Variants in STS observed in about 807,000 individuals in gnomAD.
The protein encoded by STS is steryl-sulfatase.
STS carries 7 observed loss-of-function variants against 26.8 expected under a neutral mutation model. That is an observed-to-expected ratio of 0.26 (90% CI 0.15 to 0.49). The LOEUF (loss-of-function observed/expected upper bound fraction) is 0.49, where lower values mean the gene tolerates loss of function less well. STS is among the 20% of genes least tolerant of loss of function. The pLI, the probability that STS is intolerant of heterozygous loss-of-function variation, is 0.98. For synonymous variants in STS, 199 were observed against 189.4 expected (o/e 1.05, Z -0.42); for missense variants, 434 against 465.6 (o/e 0.93, Z 0.63).
At chrX:7,167,254 C>T (rs994608553) in intron 1 of STS, among the ~76,000 whole-genome samples, 4 of 111,004 alleles carry the variant, frequency 3.6e-5, no homozygotes, top group African/African-American at 6.6e-5. Flanking sequence ...CTTGCTCTGT[C>T]GCCCAGGCTG....
chrX:7,242,458 G>A (rs1233230216), intron 2 of STS, among the ~76,000 whole-genome samples: 5 of 108,811 alleles, frequency 4.6e-5, no homozygotes, highest in African/African-American at 1.7e-4. Context: ...AAATTAGCTG[G>A]TCATGGTGGT....
At chrX:7,207,344 A>G (rs182773216) in intron 2 of STS, among the ~76,000 whole-genome samples, 105 of 112,257 alleles carry the variant, frequency 9.4e-4, no homozygotes, top group African/African-American at 3.2e-3. Flanking sequence ...GCCGACATGA[A>G]TTTGTTGGCA....
chrX:7,323,924 C>A (rs1313346085), intron 8 of STS, among the ~76,000 whole-genome samples: 4 of 110,771 alleles, frequency 3.6e-5, no homozygotes, highest in Non-Finnish European at 7.6e-5. Flanking sequence ...TACACCCCTC[C>A]ACTTCTCTGA....
rs1323438459 is a variant in STS at position 7,260,065 on chromosome X, C to T, written c.806+293C>T. Among the ~76,000 whole-genome samples, 7 of 111,550 alleles carry T rather than the reference C, an allele frequency of 6.3e-5. No homozygotes were observed. In the South Asian group the frequency reaches 1.1e-3, roughly 18 times the overall value. On this transcript the variant is annotated intron_variant, in intron 6 of 10. Transcript: ENST00000674429. Reference sequence around the variant, plus strand: ...TAATTTTTTGTATTTTTAGTAGAGACGGGGTTTCACCGTGTTAGCCAGGAT... The same window carrying T: ...TAATTTTTTGTATTTTTAGTAGAGATGGGGTTTCACCGTGTTAGCCAGGAT...
intron 8 of STS, among the ~76,000 whole-genome samples, chrX:7,313,660 T>C (rs1381210998): frequency 7.1e-5 from 8 of 111,964 alleles, no homozygotes; most frequent in Non-Finnish European, 1.5e-4. Flanking sequence ...TTAATTTTAC[T>C]GGCATGCATT....
chrX:7,291,944 G>T (rs771609877), intron 7 of STS, among the ~76,000 whole-genome samples: 2 of 112,318 alleles, frequency 1.8e-5, no homozygotes, highest in South Asian at 7.3e-4. Flanking sequence ...AGTTTCATCA[G>T]TAACAACCAT....
chrX:7,281,190 GA>G (rs76185203), intron 7 of STS, among the ~76,000 whole-genome samples: 48 of 100,381 alleles, frequency 4.8e-4, no homozygotes, highest in Middle Eastern at 5.1e-3. Context: ...CCTTGCTATG[GA>G]AAAAAAAAAA....
chrX:7,352,149 CAT>C lies in STS; in HGVS notation c.*1889_*1890del, dbSNP rs1928829612. 9.0e-6 allele frequency: 1 copy of C among 111,368 alleles called. No individual in the cohort carries two copies. The highest frequency in any genetic ancestry group is 9.6e-5 in the Admixed American group (1 of 10,373). 9.2% of individuals were successfully genotyped at this position (111,368 alleles called of 1,213,427 possible). ...GTGTTAGGATTGCTACTGATGCTGT[CAT>C]GTGGAAACTATTTAAAGGCACTATT... On this transcript the variant is annotated 3_prime_UTR_variant, in exon 11 of 11. Coordinates refer to ENST00000674429, the MANE Select transcript of STS (RefSeq NM_001320752.2).
rs1924516570 is a variant in STS, at chrX:7,276,011, C to T, written c.867C>T (p.Phe289=). The T allele has an allele frequency of 8.4e-7, 1 of 1,192,211 alleles. No homozygotes were observed. Among genetic ancestry groups the T allele is most frequent in the Admixed American group, 2.3e-5 (1 of 44,011 alleles). ...LSYLHVHTAL[F]SSKDFAGKSQ... ...ACCTCCACGTGCACACAGCCCTGTT[C>T]TCCAGCAAAGACTTTGCTGGCAAAA... The change falls in exon 7 of 11, where the codon TTC becomes TTT. Residue 289 remains phenylalanine (F), a synonymous_variant. Coordinates refer to ENST00000674429, the MANE Select transcript of STS (RefSeq NM_001320752.2).
At chrX:7,332,854 G>A (rs1288861475) in intron 9 of STS, among the ~76,000 whole-genome samples, 2 of 111,920 alleles carry the variant, frequency 1.8e-5, no homozygotes, top group Non-Finnish European at 1.9e-5. Context: ...TGAGAAGTGA[G>A]CCAAGCCAGT....
chrX:7,319,539 C>T (rs948417256), intron 8 of STS, among the ~76,000 whole-genome samples: 5 of 109,940 alleles, frequency 4.5e-5, no homozygotes, highest in Non-Finnish European at 7.6e-5. Context: ...CTTGGCTTCC[C>T]CTGGTGAGCC....
intron 5 of STS, 24 bp downstream of exon 5, chrX:7,257,612 A>G: frequency 5.0e-6 from 6 of 1,210,549 alleles, no homozygotes; most frequent in Non-Finnish European, 6.7e-6. Flanking sequence ...TGGGATGGGA[A>G]CCATCTATAG....
At chrX:7,209,916 G>A (rs1306083883) in intron 2 of STS, among the ~76,000 whole-genome samples, 1 of 111,145 alleles carries the variant, frequency 9.0e-6, no homozygotes, top group Admixed American at 9.7e-5. Context: ...GAGGATGACG[G>A]CTTCCAGCTT....
At chrX:7,180,242 T>A (rs777589052) in intron 1 of STS, among the ~76,000 whole-genome samples, 1 of 111,711 alleles carries the variant, frequency 9.0e-6, no homozygotes, top group East Asian at 2.8e-4. Flanking sequence ...GTAGCTGAGC[T>A]TGTTTTCCTG....
chrX:7,336,888 G>A (rs1030237498), intron 10 of STS, among the ~76,000 whole-genome samples: 2 of 111,822 alleles, frequency 1.8e-5, no homozygotes, highest in African/African-American at 6.5e-5. Context: ...ATGTGGAGGA[G>A]TAAAGAGAAA....
At chrX:7,258,604 C>T (rs1362603760) in intron 5 of STS, among the ~76,000 whole-genome samples, 1 of 111,559 alleles carries the variant, frequency 9.0e-6, no homozygotes, top group Non-Finnish European at 1.9e-5. Flanking sequence ...TAAAATGAAT[C>T]CTAGCAAATC....
chrX:7,314,576 G>A (rs1926627600), intron 8 of STS, among the ~76,000 whole-genome samples: 1 of 113,006 alleles, frequency 8.8e-6, no homozygotes. Context: ...ACTGTCTCAG[G>A]CATTGCCGTA....
At chrX:7,349,856 C>G in intron 10 of STS, 32 bp from the exon 11 acceptor site, 1 of 1,211,254 alleles carries the variant, frequency 8.3e-7, no homozygotes, top group Non-Finnish European at 1.1e-6. Context: ...ATGCTTCATA[C>G]CTAATGCCGT....
At chrX:7,172,347 C>G (rs183000043) in intron 1 of STS, among the ~76,000 whole-genome samples, 1 of 111,095 alleles carries the variant, frequency 9.0e-6, no homozygotes, top group Non-Finnish European at 1.9e-5. Context: ...TTCGTGATGC[C>G]TGCCTGTTTT....
Sources: allele counts gnomAD v4.1 joint callset (sites outside exome capture counted in the v4.1 genomes callset), GRCh38; gene constraint gnomAD v4.1.1; transcripts MANE v1.5; gene names NCBI Gene and HGNC (gene_info 2026-07-23, HGNC 2026-07-21).